Variants in PDXDC1 observed in about 807,000 individuals in gnomAD.
PDXDC1 encodes the protein pyridoxal dependent decarboxylase domain containing 1.
In PDXDC1, 42 loss-of-function variants were observed where a neutral mutation model predicts 100.1. The ratio of observed to expected loss-of-function variants is 0.42; its 90% CI spans 0.33 to 0.54. The LOEUF (loss-of-function observed/expected upper bound fraction) is 0.54, where lower values mean the gene tolerates loss of function less well. PDXDC1 is among the 20% of genes least tolerant of loss of function. The pLI is 0.10. For missense variants in PDXDC1, 636 were observed against 979.2 expected (o/e 0.65, Z 4.68); for synonymous variants, 260 against 371.7 (o/e 0.70, Z 3.46).
At chr16:15,006,211 G>A (rs867177347) in intron 5 of PDXDC1, among the ~76,000 whole-genome samples, 183 bp from the exon 6 acceptor site, 2,167 of 151,680 alleles carry the variant, frequency 0.014, no homozygotes, top group Non-Finnish European at 0.022. Flanking sequence ...CTCGCTGCTT[G>A]GTAACCTCAG....
chr16:15,112,127 C>A (rs62039529), intron 16 of PDXDC1, among the ~76,000 whole-genome samples: 109,912 of 144,414 alleles, frequency 0.76, 43,970 homozygotes, highest in Admixed American at 0.86. Flanking sequence ...TTAATCTTCT[C>A]AGATATTAAG....
intron 16 of PDXDC1, chr16:15,125,930 C>T (rs998315327): frequency 1.6e-6 from 1 of 642,190 alleles, no homozygotes. Context: ...TCCTAGAATG[C>T]TGGATATATG....
chr16:15,129,546 G>A (rs561611412), intron 16 of PDXDC1, among the ~76,000 whole-genome samples: 9 of 152,344 alleles, frequency 5.9e-5, no homozygotes, highest in African/African-American at 1.7e-4. Context: ...TGGCGCCTCC[G>A]TCTGAGAGAC....
downstream of PDXDC1, among the ~76,000 whole-genome samples, chr16:15,141,071 CCCAGCCCCTG>C (rs1236334127): frequency 6.7e-6 from 1 of 150,134 alleles, no homozygotes; most frequent in Non-Finnish European, 1.5e-5. Flanking sequence ...TGAGCACCCG[CCCAGCCCCTG>C]CCAGTCCCTG....
Position 15,038,017 on chromosome 16 carries a change from G to GTAATTCATGTTT in PDXDC1, c.*1744_*1755dup, listed in dbSNP as rs773091583. 9 of 1,603,316 alleles carry GTAATTCATGTTT rather than the reference G, an allele frequency of 5.6e-6. No homozygotes were observed. The highest frequency in any genetic ancestry group is 7.7e-6 in the Non-Finnish European group (9 of 1,173,596). On this transcript the variant is annotated 3_prime_UTR_variant, in exon 23 of 23. Coordinates refer to ENST00000396410, the MANE Select transcript of PDXDC1 (RefSeq NM_015027.4). ...TCAGGCCAAGAAGGTGCTTTCTTTG[G>GTAATTCATGTTT]TAATTCATGTTTTTTAACTTCCTGG...
intron 16 of PDXDC1, chr16:15,071,362 A>C (rs575915930): frequency 7.2e-5 from 71 of 989,100 alleles, no homozygotes; most frequent in South Asian, 6.0e-4. Flanking sequence ...CTACTATCTC[A>C]TAACTATCTC....
intron 16 of PDXDC1, among the ~76,000 whole-genome samples, chr16:15,046,564 G>A (rs1483619237): frequency 6.6e-6 from 1 of 152,154 alleles, no homozygotes; most frequent in South Asian, 2.1e-4. Flanking sequence ...GCTAGAGGCC[G>A]CTTCTTATCC....
At chr16:15,046,814 G>A (rs1017497856) in intron 16 of PDXDC1, among the ~76,000 whole-genome samples, 5 of 151,256 alleles carry the variant, frequency 3.3e-5, no homozygotes, top group African/African-American at 9.7e-5. Flanking sequence ...AGTCAAGGCT[G>A]CAGTAAGCTG....
intron 16 of PDXDC1, among the ~76,000 whole-genome samples, chr16:15,052,536 T>C (rs1484003268): frequency 6.6e-6 from 1 of 152,136 alleles, no homozygotes. Flanking sequence ...AGCACAATGC[T>C]ATATAAGAAA....
chr16:15,131,040 C>T (rs764921509), intron 16 of PDXDC1: 51 of 1,521,096 alleles, frequency 3.4e-5, no homozygotes, highest in Non-Finnish European at 4.3e-5. Context: ...GCCTTCCCCC[C>T]AAGAACAAGG....
chr16:15,122,426 G>C (rs2047469282), intron 16 of PDXDC1, among the ~76,000 whole-genome samples: 1 of 145,024 alleles, frequency 6.9e-6, no homozygotes, highest in Admixed American at 7.0e-5. Flanking sequence ...TGATGCCCTG[G>C]CTAGTCTTCA....
intron 17 of PDXDC1, 109 bp downstream of exon 17, chr16:15,032,015 T>C (rs756894712): frequency 2.3e-5 from 22 of 972,582 alleles, no homozygotes; most frequent in Non-Finnish European, 3.2e-5. Flanking sequence ...GTAGTCACAA[T>C]ATGCTTAACG....
At position 15,034,333 on chromosome 16, in the gene PDXDC1, T is replaced by C; in HGVS notation, c.1860T>C (p.Ala620=). ...TGGTTCGGAAAGGCATTCAGGAAGC[T>C]CAAGTGGAGCTGCAGAAGGCAAGTG... ...TEVVRKGIQE[A]QVELQKASEE... The change falls in exon 20 of 23, where the codon GCT becomes GCC. Residue 620 remains alanine (A), a synonymous_variant. Transcript: ENST00000396410. The C allele has an allele frequency of 6.2e-7, 1 of 1,613,396 alleles. No homozygotes were observed. The highest frequency in any genetic ancestry group is 8.5e-7 in the Non-Finnish European group (1 of 1,179,974).
intron 16 of PDXDC1, among the ~76,000 whole-genome samples, chr16:15,122,619 G>A (rs924750920): frequency 6.6e-5 from 10 of 150,752 alleles, no homozygotes; most frequent in African/African-American, 2.4e-4. Context: ...CGAAAGAGCA[G>A]CCACAGCACC....
intron 1 of PDXDC1, among the ~76,000 whole-genome samples, chr16:14,986,807 C>T (rs780557049): frequency 5.3e-4 from 80 of 152,340 alleles, no homozygotes; most frequent in Non-Finnish European, 9.3e-4. Context: ...AGTGCAGTGG[C>T]GCGTTCTTGG....
At chr16:15,020,848 GT>G (rs1323139828) in intron 12 of PDXDC1, among the ~76,000 whole-genome samples, 7 of 152,260 alleles carry the variant, frequency 4.6e-5, no homozygotes, top group Non-Finnish European at 5.9e-5. Context: ...GCCAGGTATG[GT>G]GGCAGGCGCC....
chr16:15,008,087 T>C (rs1288864886), intron 6 of PDXDC1, among the ~76,000 whole-genome samples: 2 of 152,284 alleles, frequency 1.3e-5, no homozygotes, highest in Non-Finnish European at 2.9e-5. Flanking sequence ...TGAGGATTTG[T>C]TTTACTTGGG....
intron 16 of PDXDC1, among the ~76,000 whole-genome samples, chr16:15,072,473 C>CA (rs1273136057): frequency 6.6e-6 from 1 of 152,054 alleles, no homozygotes. Context: ...GCTGGGCTGG[C>CA]AGGCAGCAAT....
At chr16:15,015,458 T>C (rs1284744673) in intron 8 of PDXDC1, among the ~76,000 whole-genome samples, 1 of 152,132 alleles carries the variant, frequency 6.6e-6, no homozygotes, top group East Asian at 1.9e-4. Context: ...GGCTCATGCT[T>C]ATAATCCCAG....
Sources: gnomAD v4.1 joint callset for allele counts (sites outside exome capture counted in the v4.1 genomes callset) on GRCh38, gnomAD v4.1.1 for gene constraint, MANE v1.5 for transcripts, NCBI Gene and HGNC (gene_info 2026-07-23, HGNC 2026-07-21) for gene names.